Variants in PSD3 observed in about 807,000 individuals in gnomAD.
PSD3 encodes the protein pleckstrin and Sec7 domain containing 3.
Under a neutral mutation model 105.5 loss-of-function variants are expected in PSD3, and 49 were observed. That is an observed-to-expected ratio of 0.46 (90% confidence interval 0.37 to 0.59). The LOEUF (loss-of-function observed/expected upper bound fraction) is 0.59, where lower values mean the gene tolerates loss of function less well. Among genes scored for constraint, PSD3 ranks in the 20% least tolerant of loss-of-function variants. The pLI is 0.00. For missense variants in PSD3, 1,561 were observed against 1,263.8 expected, an observed-to-expected ratio of 1.24 and a Z score of -3.57; for synonymous variants, 557 against 457.8, an observed-to-expected ratio of 1.22 and a Z score of -2.77.
Position 18,535,877 on chromosome 8 carries a change from C to T in PSD3, c.3010G>A (p.Gly1004Arg). 6.2e-7 allele frequency: 1 copy of T among 1,614,198 alleles called. No homozygotes were observed. The highest frequency in any genetic ancestry group is 8.5e-7 in the Non-Finnish European group (1 of 1,180,034). The change falls in exon 16 of 16, where the codon GGA (glycine) becomes AGA (arginine). Residue 1004 changes from glycine (G) to arginine (R), a missense_variant. Transcript: ENST00000327040. ...GGACTCGAGTGCGACTTCTTCAGTC[C>T]TGCAGCCTCGCTTTCATCGTTACTC... ...LLSNDESEAA[G>R]LKKSHSSPSL...
chr8:18,677,701 A>C (rs774630326), intron 9 of PSD3, among the ~76,000 whole-genome samples: 4 of 152,196 alleles, frequency 2.6e-5, no homozygotes, highest in Non-Finnish European at 5.9e-5. Flanking sequence ...CCTTTGGCTA[A>C]GGATCACAGT....
At chr8:19,069,878 A>G (rs183307556) in intron 1 of PSD3, among the ~76,000 whole-genome samples, 1 of 152,094 alleles carries the variant, frequency 6.6e-6, no homozygotes, top group African/African-American at 2.4e-5. Context: ...TATCTCCCCA[A>G]TATTGCTATT....
intron 15 of PSD3, among the ~76,000 whole-genome samples, chr8:18,547,192 A>G (rs957433477): frequency 4.6e-5 from 7 of 152,176 alleles, no homozygotes; most frequent in African/African-American, 1.4e-4. Context: ...GAGGCTACCA[A>G]CCCTCAGAGC....
At chr8:18,751,872 G>A (rs943205546) in intron 9 of PSD3, among the ~76,000 whole-genome samples, 5 of 148,532 alleles carry the variant, frequency 3.4e-5, no homozygotes, top group Non-Finnish European at 5.9e-5. Context: ...AGCCTAACAG[G>A]CCAAATAAAC....
At chr8:18,802,460 T>C (rs1290687637) in intron 6 of PSD3, 3 of 254,086 alleles carry the variant, frequency 1.2e-5, no homozygotes, top group Admixed American at 4.1e-5. Context: ...TTTTGCCTTC[T>C]TCCTTATTAT....
chr8:18,617,137 A>C (rs1175384996), intron 11 of PSD3, among the ~76,000 whole-genome samples: 1 of 152,140 alleles, frequency 6.6e-6, no homozygotes, highest in Non-Finnish European at 1.5e-5. Context: ...GTGATGGGGA[A>C]GTTTTTTTCC....
intron 4 of PSD3, among the ~76,000 whole-genome samples, chr8:18,812,486 AGTCAGGGG>A (rs1811779053): frequency 6.6e-6 from 1 of 152,196 alleles, no homozygotes; most frequent in Non-Finnish European, 1.5e-5. Flanking sequence ...CAGGGTGACC[AGTCAGGGG>A]GTAATGCATG....
chr8:19,064,880 C>T (rs2410600), intron 1 of PSD3, among the ~76,000 whole-genome samples: 57,316 of 151,920 alleles, frequency 0.38, 11,231 homozygotes, highest in South Asian at 0.53. Flanking sequence ...ACATTTACTT[C>T]CATTGTATTA....
chr8:18,698,049 T>G (rs1350144631), intron 9 of PSD3, among the ~76,000 whole-genome samples: 2 of 152,036 alleles, frequency 1.3e-5, no homozygotes, highest in African/African-American at 4.8e-5. Flanking sequence ...TTAACGAACT[T>G]AAGGAGAAGA....
chr8:19,026,755 C>G (rs1433287728), intron 1 of PSD3, among the ~76,000 whole-genome samples: 1 of 149,926 alleles, frequency 6.7e-6, no homozygotes, highest in Non-Finnish European at 1.5e-5. Flanking sequence ...CACCTATAGT[C>G]CCAGCTACTT....
Position 18,830,115 on chromosome 8 carries a change from G to A in PSD3, c.1635-25217C>T, listed in dbSNP as rs568635473. Among the ~76,000 whole-genome samples the A allele has an allele frequency of 4.6e-5, 7 of 152,092 alleles. No homozygotes were observed. The East Asian group carries it at 7.7e-4, about 17-fold the overall frequency. On this transcript the variant is annotated intron_variant, in intron 4 of 15. Transcript: ENST00000327040. ...CCCGAGTAGCTGGGACTACAGGCAC[G>A]TGCCACAACTCCTACAAGGTTTTAC...
rs561233937 is a variant in PSD3, at chr8:18,532,504, A to G, written c.*3239T>C. ...CCAAAAAATGCTTTCTATCCTCTGC[A>G]TCTAAGAGGAATAAAAAGGTTACAC... On this transcript the variant is annotated 3_prime_UTR_variant, in exon 16 of 16. Transcript: ENST00000327040. The G allele has an allele frequency of 1.3e-5, 2 of 152,326 alleles. No homozygotes were observed. The highest frequency in any genetic ancestry group is 4.1e-4 in the South Asian group (2 of 4,832). The allele number at this position is 152,326 out of a possible 1,614,324, so 9.4% of individuals were successfully genotyped here.
At chr8:18,946,698 A>C (rs1276768260) in intron 1 of PSD3, among the ~76,000 whole-genome samples, 1 of 152,018 alleles carries the variant, frequency 6.6e-6, no homozygotes, top group Non-Finnish European at 1.5e-5. Flanking sequence ...TCAGGAGTTC[A>C]AGACAAGCCT....
At chr8:18,686,360 G>C (rs148973198) in intron 9 of PSD3, among the ~76,000 whole-genome samples, 2 of 152,362 alleles carry the variant, frequency 1.3e-5, no homozygotes, top group East Asian at 3.9e-4. Context: ...CTCGCATGAA[G>C]TATACCAGGA....
At chr8:19,072,694 G>A (rs1829310572) in intron 1 of PSD3, among the ~76,000 whole-genome samples, 1 of 152,202 alleles carries the variant, frequency 6.6e-6, no homozygotes, top group Non-Finnish European at 1.5e-5. Flanking sequence ...GCAGCCTAGG[G>A]TGAGAGGCTG....
At chr8:18,855,890 A>C (rs966411980) in intron 4 of PSD3, among the ~76,000 whole-genome samples, 2 of 152,176 alleles carry the variant, frequency 1.3e-5, no homozygotes, top group Non-Finnish European at 2.9e-5. Flanking sequence ...GGTGTTTATT[A>C]TTGTCTACAC....
chr8:18,964,087 C>T (rs1179600835), intron 1 of PSD3, among the ~76,000 whole-genome samples: 1 of 152,166 alleles, frequency 6.6e-6, no homozygotes, highest in Non-Finnish European at 1.5e-5. Context: ...TTACAAGAAA[C>T]ACCATTCTCT....
chr8:18,752,507 TATA>T (rs1445592802), intron 9 of PSD3, among the ~76,000 whole-genome samples: 11 of 82,524 alleles, frequency 1.3e-4, no homozygotes, highest in South Asian at 5.5e-4. Flanking sequence ...ATATAATATA[TATA>T]ATATATGTAA....
intron 14 of PSD3, among the ~76,000 whole-genome samples, chr8:18,566,861 T>C (rs755058245): frequency 2.6e-5 from 4 of 152,250 alleles, no homozygotes; most frequent in Non-Finnish European, 5.9e-5. Flanking sequence ...CATTCTATTT[T>C]TGGTTCCAGT....
Sources: gnomAD v4.1 joint callset for allele counts (sites outside exome capture counted in the v4.1 genomes callset) on GRCh38, gnomAD v4.1.1 for gene constraint, MANE v1.5 for transcripts, NCBI Gene and HGNC (gene_info 2026-07-23, HGNC 2026-07-21) for gene names.